The following CPQ variants were observed in gnomAD, a reference collection of about 807,000 sequenced individuals.
CPQ encodes the protein carboxypeptidase Q.
CPQ carries 37 observed loss-of-function variants against 45.7 expected under a neutral mutation model. The observed-to-expected ratio is 0.81, with a 90% CI of 0.62 to 1.07. CPQ has a LOEUF of 1.07. CPQ is among the 50% of genes least tolerant of loss of function. The pLI is 0.00. For synonymous variants in CPQ, 186 were observed against 205.8 expected, an observed-to-expected ratio of 0.90 and a Z score of 0.82; for missense variants, 537 against 572.9, an observed-to-expected ratio of 0.94 and a Z score of 0.64.
intron 3 of CPQ, among the ~76,000 whole-genome samples, chr8:96,843,041 G>A (rs1312210120): frequency 1.3e-5 from 2 of 152,110 alleles, no homozygotes; most frequent in African/African-American, 4.8e-5. Context: ...GAGTGGCTGG[G>A]ATTACAGGCA....
intron 4 of CPQ, among the ~76,000 whole-genome samples, chr8:96,933,830 A>G (rs920625746): frequency 2.6e-5 from 4 of 151,870 alleles, no homozygotes; most frequent in African/African-American, 9.7e-5. Context: ...AAATGGCTTC[A>G]CAACCAGATA....
rs558098959 is a variant in CPQ, at chr8:97,056,911, G to A, written c.1054-9098G>A. 2.0e-5 allele frequency among the ~76,000 whole-genome samples: 3 copies of A among 152,242 alleles called. No individual in the cohort carries two copies. The South Asian group carries it at 6.2e-4, about 32-fold the overall frequency. On this transcript the variant is annotated intron_variant, in intron 6 of 7. Transcript: ENST00000220763. Reference sequence around the variant, plus strand: ...ATCAAGCTTTTGCCAACATTTTTCAGTAGTTGCTTTCCCTTCTTTGTACAT... The same window carrying A: ...ATCAAGCTTTTGCCAACATTTTTCAATAGTTGCTTTCCCTTCTTTGTACAT...
chr8:97,056,291 C>T (rs1169656720), intron 6 of CPQ: 1 of 152,034 alleles, frequency 6.6e-6, no homozygotes, highest in Non-Finnish European at 1.5e-5. Flanking sequence ...AACTCATCAC[C>T]ATACAGATTT....
chr8:96,765,387 C>T (rs536164029), intron 1 of CPQ, among the ~76,000 whole-genome samples: 1 of 152,200 alleles, frequency 6.6e-6, no homozygotes, highest in Middle Eastern at 3.4e-3. Flanking sequence ...AAGTTCAGAG[C>T]ATCTTAAACA....
intron 7 of CPQ, among the ~76,000 whole-genome samples, chr8:97,087,141 A>C (rs1811052580): frequency 6.6e-6 from 1 of 152,160 alleles, no homozygotes. Context: ...AAATGACCAC[A>C]ATGGCTAATA....
At chr8:97,057,409 A>G (rs1323236852) in intron 6 of CPQ, among the ~76,000 whole-genome samples, 1 of 152,120 alleles carries the variant, frequency 6.6e-6, no homozygotes, top group Non-Finnish European at 1.5e-5. Context: ...AGAGCCATGT[A>G]ATTACTCCCC....
intron 5 of CPQ, among the ~76,000 whole-genome samples, chr8:96,995,725 A>C (rs1429358591): frequency 6.6e-6 from 1 of 151,622 alleles, no homozygotes; most frequent in Non-Finnish European, 1.5e-5. Flanking sequence ...TTTGTTACAC[A>C]GGTAAACTTG....
chr8:96,899,321 T>C (rs1812484681), intron 4 of CPQ, among the ~76,000 whole-genome samples: 2 of 152,182 alleles, frequency 1.3e-5, no homozygotes. Context: ...GTTTGAGCAA[T>C]TACCAACTTA....
chr8:96,929,606 C>T (rs1812944610), intron 4 of CPQ, among the ~76,000 whole-genome samples: 1 of 152,178 alleles, frequency 6.6e-6, no homozygotes, highest in South Asian at 2.1e-4. Context: ...CAAAACATGG[C>T]TTCTCACCAA....
chr8:97,034,707 A>G (rs1809966484), intron 6 of CPQ, among the ~76,000 whole-genome samples: 1 of 152,066 alleles, frequency 6.6e-6, no homozygotes, highest in Non-Finnish European at 1.5e-5. Flanking sequence ...CTTCAAATCA[A>G]CTTCTGACTC....
intron 3 of CPQ, among the ~76,000 whole-genome samples, chr8:96,860,566 G>A (rs943021426): frequency 6.6e-6 from 1 of 152,070 alleles, no homozygotes; most frequent in Non-Finnish European, 1.5e-5. Flanking sequence ...TTTCTAAGTA[G>A]GCATTGATTG....
intron 3 of CPQ, among the ~76,000 whole-genome samples, chr8:96,856,760 C>T (rs571922245): frequency 2.1e-4 from 32 of 152,304 alleles, no homozygotes; most frequent in African/African-American, 7.5e-4. Flanking sequence ...TTCAGGTTTT[C>T]ATAAATGCTG....
At chr8:97,100,457 G>C (rs1222805583) in intron 7 of CPQ, among the ~76,000 whole-genome samples, 2 of 152,120 alleles carry the variant, frequency 1.3e-5, no homozygotes, top group Non-Finnish European at 2.9e-5. Flanking sequence ...GTGGGAAAGT[G>C]GGCTTGGCTC....
intron 2 of CPQ, among the ~76,000 whole-genome samples, chr8:96,790,137 C>T (rs1053899578): frequency 3.9e-5 from 6 of 152,104 alleles, no homozygotes; most frequent in South Asian, 2.1e-4. Context: ...GGGAATTCTC[C>T]GTTCTCTGCA....
intron 1 of CPQ, among the ~76,000 whole-genome samples, chr8:96,750,996 A>G (rs1438433138): frequency 1.3e-5 from 2 of 152,190 alleles, no homozygotes; most frequent in East Asian, 1.9e-4. Context: ...ATAGTATTCC[A>G]TTATGTATAT....
At chr8:96,647,284 C>T (rs1008492233) in intron 1 of CPQ, among the ~76,000 whole-genome samples, 1 of 152,270 alleles carries the variant, frequency 6.6e-6, no homozygotes. Context: ...GTGGAATACA[C>T]ATGTTGCTTG....
chr8:97,047,247 C>T (rs1810274735), intron 6 of CPQ, among the ~76,000 whole-genome samples: 1 of 152,170 alleles, frequency 6.6e-6, no homozygotes, highest in South Asian at 2.1e-4. Flanking sequence ...AGAATGTACC[C>T]AAGTTTGCAT....
chr8:96,863,807 T>C (rs1373040997), intron 3 of CPQ, among the ~76,000 whole-genome samples: 4 of 152,050 alleles, frequency 2.6e-5, no homozygotes, highest in Admixed American at 6.6e-5. Flanking sequence ...AGGAGTTTTA[T>C]GGAGAATGGA....
Position 96,787,525 on chromosome 8 carries a change from C to CTTTTTTTTTTTTTTTTTTTTTTTT in CPQ, c.433+2202_433+2225dup, listed in dbSNP as rs71267281. Among the ~76,000 whole-genome samples the CTTTTTTTTTTTTTTTTTTTTTTTT allele has an allele frequency of 8.0e-3, 380 of 47,586 alleles. 136 individuals are homozygous for CTTTTTTTTTTTTTTTTTTTTTTTT. Among genetic ancestry groups the CTTTTTTTTTTTTTTTTTTTTTTTT allele is most frequent in the East Asian group, 0.034 (30 of 894 alleles). 31.2% of individuals were successfully genotyped at this position (47,586 alleles called of 152,430 possible). On this transcript the variant is annotated intron_variant, in intron 2 of 7. Coordinates refer to ENST00000220763, the MANE Select transcript of CPQ (RefSeq NM_016134.4). Reference sequence around the variant, plus strand: ...TTGTAGTTTCATTTTCTTATAATGTCTTTTTTTTTTTTTTTTTTTTTTTTT... The same window carrying CTTTTTTTTTTTTTTTTTTTTTTTT: ...TTGTAGTTTCATTTTCTTATAATGTCTTTTTTTTTTTTTTTTTTTTTTTTTTTTTTTTTTTTTTTTTTTTTTTTT...
Sources: allele counts gnomAD v4.1 joint callset (sites outside exome capture counted in the v4.1 genomes callset), GRCh38; gene constraint gnomAD v4.1.1; transcripts MANE v1.5; gene names NCBI Gene and HGNC (gene_info 2026-07-23, HGNC 2026-07-21).